Variants in RNF115 observed in about 807,000 individuals in gnomAD.
RNF115 encodes the protein ring finger protein 115.
RNF115 carries 31 observed loss-of-function variants against 39.2 expected under a neutral mutation model. That is an observed-to-expected ratio of 0.79 (90% CI 0.59 to 1.07). RNF115 has a LOEUF of 1.07. Ranked by LOEUF, RNF115 falls within the 50% of genes least tolerant of loss-of-function variation. The probability of loss-of-function intolerance (pLI) is 0.00; values close to 1 mark genes in which losing one functional copy is unlikely to be tolerated. For missense variants in RNF115, 384 were observed against 381.7 expected, an observed-to-expected ratio of 1.01 and a Z score of -0.05; for synonymous variants, 124 against 131.0, an observed-to-expected ratio of 0.95 and a Z score of 0.37.
At chr1:145,793,546 T>C (rs1390978790) in intron 1 of RNF115, among the ~76,000 whole-genome samples, 3 of 152,106 alleles carry the variant, frequency 2.0e-5, no homozygotes, top group African/African-American at 7.2e-5. Flanking sequence ...TCCCCCCAAA[T>C]GTGTATCTCT....
chr1:145,762,113 A>T (rs1658557089), intron 4 of RNF115, among the ~76,000 whole-genome samples: 1 of 152,204 alleles, frequency 6.6e-6, no homozygotes, highest in African/African-American at 2.4e-5. Context: ...TGTATCTAGG[A>T]AGTAACTAGC....
intron 4 of RNF115, among the ~76,000 whole-genome samples, chr1:145,764,209 C>G (rs959919896): frequency 1.3e-5 from 2 of 152,226 alleles, no homozygotes; most frequent in Non-Finnish European, 2.9e-5. Flanking sequence ...GTCTTGTTCA[C>G]TCAGTGCTCA....
chr1:145,798,157 T>C (rs1029273110), intron 1 of RNF115, among the ~76,000 whole-genome samples: 11 of 152,294 alleles, frequency 7.2e-5, no homozygotes, highest in Admixed American at 6.5e-4. Context: ...TGCAGTCCCA[T>C]TTGCCTATTT....
chr1:145,746,765 T>C lies in RNF115; in HGVS notation c.*101A>G, dbSNP rs1657892670. ...GCATTTATATTATGTGTTGAGTTTCTTACATATTCCTAAATCCATCTACTA... is the reference window on the plus strand; with the variant it reads ...GCATTTATATTATGTGTTGAGTTTCCTACATATTCCTAAATCCATCTACTA... On this transcript the variant is annotated 3_prime_UTR_variant, in exon 9 of 9. Transcript: ENST00000582693. 2 of 1,167,700 alleles carry C rather than the reference T, an allele frequency of 1.7e-6. No individual in the cohort carries two copies. Among genetic ancestry groups the C allele is most frequent in the African/African-American group, 1.5e-5 (1 of 65,190 alleles). The allele number at this position is 1,167,700 out of a possible 1,614,324, so 72.3% of individuals were successfully genotyped here.
chr1:145,798,032 A>C (rs1553720355), intron 1 of RNF115, among the ~76,000 whole-genome samples: 1 of 152,118 alleles, frequency 6.6e-6, no homozygotes, highest in Non-Finnish European at 1.5e-5. Flanking sequence ...TTCTTTCTAC[A>C]TTCTGGATAT....
intron 1 of RNF115, among the ~76,000 whole-genome samples, chr1:145,806,106 G>C (rs1553721541): frequency 6.6e-6 from 1 of 152,136 alleles, no homozygotes. Context: ...CCAGCACTTT[G>C]GGAAGCTGAG....
intron 6 of RNF115, 93 bp downstream of exon 6, chr1:145,751,345 G>T: frequency 1.2e-6 from 1 of 838,412 alleles, no homozygotes; most frequent in South Asian, 1.6e-5. Flanking sequence ...AAAGCAGAGT[G>T]ACTGCCATTT....
At chr1:145,747,120 G>A (rs1553711852) in intron 8 of RNF115, 123 bp from the exon 9 acceptor site, 3 of 985,366 alleles carry the variant, frequency 3.0e-6, no homozygotes, top group South Asian at 3.3e-5. Context: ...AAAAACAATA[G>A]AGAATGCATC....
intron 5 of RNF115, among the ~76,000 whole-genome samples, chr1:145,752,643 C>T (rs587748646): frequency 2.2e-4 from 27 of 122,724 alleles, no homozygotes; most frequent in African/African-American, 8.4e-4. Context: ...AGCTGGAGTA[C>T]AGTGGCGCGA....
At chr1:145,770,815 T>G (rs1480587771) in intron 4 of RNF115, among the ~76,000 whole-genome samples, 1 of 152,206 alleles carries the variant, frequency 6.6e-6, no homozygotes, top group African/African-American at 2.4e-5. Flanking sequence ...CTAAATGAGA[T>G]CCATGAGCAA....
chr1:145,793,812 G>A (rs1400841822), intron 1 of RNF115, among the ~76,000 whole-genome samples: 1 of 150,606 alleles, frequency 6.6e-6, no homozygotes, highest in Non-Finnish European at 1.5e-5. Context: ...GCCAGCACTG[G>A]TTCTGAGCAC....
intron 8 of RNF115, 85 bp from the exon 9 acceptor site, chr1:145,747,082 T>C: frequency 1.5e-6 from 2 of 1,362,434 alleles, no homozygotes; most frequent in Non-Finnish European, 2.0e-6. Context: ...CTGAGAATTG[T>C]CACATCAAAA....
chr1:145,821,455 CTCT>C (rs1233843517), intron 1 of RNF115, among the ~76,000 whole-genome samples: 6 of 71,386 alleles, frequency 8.4e-5, no homozygotes, highest in African/African-American at 1.7e-4. Context: ...TGTCTTCTCA[CTCT>C]TTTTTTTTTT....
At chr1:145,761,479 T>C (rs1447166779) in intron 4 of RNF115, among the ~76,000 whole-genome samples, 2 of 152,202 alleles carry the variant, frequency 1.3e-5, no homozygotes, top group African/African-American at 4.8e-5. Context: ...GGGGCCAACA[T>C]AGAGCTTGGG....
chr1:145,789,700 CT>C (rs67276251), intron 1 of RNF115, among the ~76,000 whole-genome samples: 88 of 86,758 alleles, frequency 1.0e-3, no homozygotes, highest in East Asian at 7.6e-3. Context: ...ACCCGGACTT[CT>C]TTTTTTTTTT....
intron 8 of RNF115, 24 bp downstream of exon 8, chr1:145,747,971 G>C: frequency 1.4e-6 from 2 of 1,453,672 alleles, no homozygotes; most frequent in Non-Finnish European, 1.9e-6. Context: ...ATCCCCCAAA[G>C]AAGCCATGAC....
At chr1:145,803,465 C>T (rs1649337192) in intron 1 of RNF115, among the ~76,000 whole-genome samples, 1 of 152,182 alleles carries the variant, frequency 6.6e-6, no homozygotes, top group African/African-American at 2.4e-5. Context: ...TCTTGGCTCA[C>T]TGCAAACTCT....
At chr1:145,757,264 T>C (rs1658336432) in intron 4 of RNF115, among the ~76,000 whole-genome samples, 1 of 152,136 alleles carries the variant, frequency 6.6e-6, no homozygotes, top group Non-Finnish European at 1.5e-5. Context: ...ACGGTGACCT[T>C]ATCAGGGTTA....
At chr1:145,752,196 T>C (rs1021978410) in intron 5 of RNF115, among the ~76,000 whole-genome samples, 3 of 152,156 alleles carry the variant, frequency 2.0e-5, no homozygotes, top group African/African-American at 7.2e-5. Flanking sequence ...TTTAATCCCA[T>C]CATACATAAG....
Sources: allele counts gnomAD v4.1 joint callset (sites outside exome capture counted in the v4.1 genomes callset), GRCh38; gene constraint gnomAD v4.1.1; transcripts MANE v1.5; gene names NCBI Gene and HGNC (gene_info 2026-07-23, HGNC 2026-07-21).